The following CTNNA3 variants were observed in gnomAD, a reference collection of about 807,000 sequenced individuals.
The protein encoded by CTNNA3 is catenin alpha 3, also known as catenin alpha-3.
CTNNA3 carries 76 observed loss-of-function variants against 95.7 expected under a neutral mutation model. The ratio of observed to expected loss-of-function variants is 0.79; its 90% CI spans 0.66 to 0.96. CTNNA3 has a LOEUF of 0.96. Ranked by LOEUF, CTNNA3 falls within the 40% of genes least tolerant of loss-of-function variation. The pLI is 0.00. For missense variants in CTNNA3, 1,191 were observed against 1,089.8 expected, an observed-to-expected ratio of 1.09 and a Z score of -1.31; for synonymous variants, 431 against 374.4, an observed-to-expected ratio of 1.15 and a Z score of -1.74.
intron 5 of CTNNA3, among the ~76,000 whole-genome samples, chr10:67,373,477 AGTCCTTGG>A (rs1212843989): frequency 6.6e-6 from 1 of 152,246 alleles, no homozygotes; most frequent in African/African-American, 2.4e-5. Flanking sequence ...TCATAAAGCA[AGTCCTTGG>A]AGACGTACAA....
At chr10:65,962,559 AT>A (rs202036985) in intron 17 of CTNNA3, among the ~76,000 whole-genome samples, 43 of 149,752 alleles carry the variant, frequency 2.9e-4, no homozygotes, top group Non-Finnish European at 4.3e-4. Context: ...TCTTAGACTA[AT>A]TTTTTTTTTA....
rs2093099026 is a variant in CTNNA3 at position 66,410,891 on chromosome 10, T to C, written c.1532-31539A>G. On this transcript the variant is annotated intron_variant, in intron 11 of 17. Coordinates refer to ENST00000433211, the MANE Select transcript of CTNNA3 (RefSeq NM_013266.4). ...TTAAAACTTACACCATTAGCAAGCATTTAAACCAGCGGAACTCTTAAAGGC... is the reference window on the plus strand; with the variant it reads ...TTAAAACTTACACCATTAGCAAGCACTTAAACCAGCGGAACTCTTAAAGGC... Among the ~76,000 whole-genome samples the C allele has an allele frequency of 2.0e-5, 3 of 152,176 alleles. 1 individual carries two copies. The South Asian group carries it at 6.2e-4, about 31-fold the overall frequency.
chr10:65,975,673 C>G (rs547761466), intron 16 of CTNNA3, among the ~76,000 whole-genome samples: 1 of 152,032 alleles, frequency 6.6e-6, no homozygotes, highest in Non-Finnish European at 1.5e-5. Flanking sequence ...ATGCCAAGGC[C>G]TTTACATGCA....
At chr10:66,145,838 C>T (rs900484485) in intron 13 of CTNNA3, among the ~76,000 whole-genome samples, 1 of 152,092 alleles carries the variant, frequency 6.6e-6, no homozygotes, top group African/African-American at 2.4e-5. Flanking sequence ...ATCAGCTGCA[C>T]TCACTCACTA....
intron 13 of CTNNA3, among the ~76,000 whole-genome samples, chr10:66,165,953 A>G (rs2085105130): frequency 6.6e-6 from 1 of 151,742 alleles, no homozygotes; most frequent in African/African-American, 2.4e-5. Context: ...TTTTCAGTAG[A>G]GATGGGGTTT....
At chr10:66,864,499 T>A (rs1844084453) in intron 7 of CTNNA3, among the ~76,000 whole-genome samples, 1 of 152,162 alleles carries the variant, frequency 6.6e-6, no homozygotes, top group African/African-American at 2.4e-5. Context: ...ATAAATTACC[T>A]GGTCTGTGGG....
rs1856429829 is a variant in CTNNA3 at position 67,071,191 on chromosome 10, G to C, written c.1047+109126C>G. On this transcript the variant is annotated intron_variant, in intron 7 of 17. Coordinates refer to ENST00000433211, the MANE Select transcript of CTNNA3 (RefSeq NM_013266.4). ...GTATAAAATGCATTTACACTCTCCA[G>C]CATTCTTCAATCACTCAGATATTTC... 2.6e-5 allele frequency among the ~76,000 whole-genome samples: 4 copies of C among 152,036 alleles called. No individual in the cohort carries two copies. The South Asian group carries it at 8.3e-4, about 31-fold the overall frequency.
intron 11 of CTNNA3, among the ~76,000 whole-genome samples, chr10:66,497,191 C>T (rs527410869): frequency 1.4e-4 from 22 of 152,026 alleles, no homozygotes; most frequent in East Asian, 7.8e-4. Context: ...CATAATAAAG[C>T]GTTCTTGCCC....
intron 13 of CTNNA3, among the ~76,000 whole-genome samples, chr10:66,266,403 A>T (rs2091160400): frequency 6.6e-6 from 1 of 152,058 alleles, no homozygotes; most frequent in African/African-American, 2.4e-5. Context: ...TTGAAGCTAA[A>T]TGTAAGGCTT....
intron 4 of CTNNA3, among the ~76,000 whole-genome samples, chr10:67,529,292 G>C: frequency 6.6e-6 from 1 of 152,008 alleles, no homozygotes; most frequent in Non-Finnish European, 1.5e-5. Context: ...AACTAAAAGA[G>C]TAGAATCAGA....
At chr10:67,005,463 C>G (rs1371549479) in intron 7 of CTNNA3, among the ~76,000 whole-genome samples, 5 of 151,856 alleles carry the variant, frequency 3.3e-5, no homozygotes, top group Non-Finnish European at 7.4e-5. Flanking sequence ...GTTCATTGTG[C>G]CTGTGATCAC....
At chr10:67,537,080 C>T (rs186845535) in intron 4 of CTNNA3, among the ~76,000 whole-genome samples, 263 of 152,256 alleles carry the variant, frequency 1.7e-3, no homozygotes, top group Admixed American at 2.7e-3. Context: ...TGTTTTACTA[C>T]ACATACTTAT....
chr10:67,316,087 A>G (rs937197504), intron 5 of CTNNA3, among the ~76,000 whole-genome samples: 2 of 152,120 alleles, frequency 1.3e-5, no homozygotes, highest in South Asian at 4.1e-4. Flanking sequence ...GTAATGAAAT[A>G]TTTATCTGAG....
chr10:66,218,481 C>T (rs1283994097), intron 13 of CTNNA3, among the ~76,000 whole-genome samples: 1 of 152,146 alleles, frequency 6.6e-6, no homozygotes, highest in Non-Finnish European at 1.5e-5. Flanking sequence ...GAGCTCAGTT[C>T]TAAAGAACTG....
intron 11 of CTNNA3, among the ~76,000 whole-genome samples, chr10:66,413,902 C>T (rs1564939097): frequency 6.6e-6 from 1 of 152,114 alleles, no homozygotes; most frequent in South Asian, 2.1e-4. Flanking sequence ...CCAAAAAAGA[C>T]TTTTAAAATA....
intron 1 of CTNNA3, among the ~76,000 whole-genome samples, chr10:67,715,533 G>A (rs959983349): frequency 3.3e-5 from 5 of 152,056 alleles, no homozygotes; most frequent in African/African-American, 9.7e-5. Context: ...TACAATGTCT[G>A]AGAACCGTCT....
At chr10:67,687,737 T>C (rs548677992) in intron 1 of CTNNA3, among the ~76,000 whole-genome samples, 1 of 152,278 alleles carries the variant, frequency 6.6e-6, no homozygotes, top group African/African-American at 2.4e-5. Context: ...GGAGAGTATA[T>C]TTTCTTAAGG....
At chr10:66,239,781 CAT>C (rs1460594350) in intron 13 of CTNNA3, among the ~76,000 whole-genome samples, 1 of 151,818 alleles carries the variant, frequency 6.6e-6, no homozygotes, top group African/African-American at 2.4e-5. Flanking sequence ...GTTGCTGTGG[CAT>C]ATGTTACTAG....
At chr10:66,085,423 A>C (rs1589359541) in intron 14 of CTNNA3, among the ~76,000 whole-genome samples, 8 of 152,134 alleles carry the variant, frequency 5.3e-5, no homozygotes, top group Admixed American at 4.6e-4. Flanking sequence ...TCAAAGTACA[A>C]TTCACATGCA....
Sources: gnomAD v4.1 joint callset for allele counts (sites outside exome capture counted in the v4.1 genomes callset) on GRCh38, gnomAD v4.1.1 for gene constraint, MANE v1.5 for transcripts, NCBI Gene and HGNC (gene_info 2026-07-23, HGNC 2026-07-21) for gene names.